GRXCR1: variants seen among roughly 807,000 people sequenced by gnomAD.
GRXCR1 encodes glutaredoxin and cysteine rich domain containing 1.
GRXCR1 carries 27 observed loss-of-function variants against 27.3 expected under a neutral mutation model. The ratio of observed to expected loss-of-function variants is 0.99; its 90% CI spans 0.73 to 1.37. GRXCR1 has a LOEUF of 1.37. Among genes scored for constraint, GRXCR1 ranks in the 40% most tolerant of loss-of-function variants. GRXCR1 has a pLI of 0.00. For synonymous variants in GRXCR1, 122 were observed against 131.1 expected (o/e 0.93, Z 0.47); for missense variants, 379 against 354.4 (o/e 1.07, Z -0.56).
intron 1 of GRXCR1, among the ~76,000 whole-genome samples, chr4:42,927,900 G>A (rs565155931): frequency 6.6e-6 from 1 of 152,068 alleles, no homozygotes; most frequent in South Asian, 2.1e-4. Context: ...CCCTGTAGGA[G>A]AGTGGGGATT....
chr4:42,972,420 T>G (rs1446186798), intron 2 of GRXCR1, among the ~76,000 whole-genome samples: 1 of 152,192 alleles, frequency 6.6e-6, no homozygotes, highest in African/African-American at 2.4e-5. Context: ...GAAGTGTTTG[T>G]TCTGGCCTTC....
intron 1 of GRXCR1, among the ~76,000 whole-genome samples, chr4:42,945,055 A>G (rs1402744228): frequency 1.3e-5 from 2 of 152,076 alleles, no homozygotes; most frequent in Non-Finnish European, 2.9e-5. Flanking sequence ...TCCTTTATGA[A>G]TGAGATTAGC....
At chr4:42,967,793 T>A (rs973453880) in intron 2 of GRXCR1, among the ~76,000 whole-genome samples, 3 of 152,012 alleles carry the variant, frequency 2.0e-5, no homozygotes, top group Admixed American at 6.6e-5. Flanking sequence ...AGCCTTTGGG[T>A]TTTGTTTCTT....
chr4:42,921,670 T>C (rs1181448002), intron 1 of GRXCR1, among the ~76,000 whole-genome samples: 2 of 152,164 alleles, frequency 1.3e-5, no homozygotes, highest in African/African-American at 4.8e-5. Flanking sequence ...GATTACCATA[T>C]TTAAATATGT....
intron 2 of GRXCR1, among the ~76,000 whole-genome samples, chr4:43,009,810 A>T (rs988790414): frequency 6.6e-6 from 1 of 152,030 alleles, no homozygotes; most frequent in Non-Finnish European, 1.5e-5. Flanking sequence ...TGAACATATG[A>T]CTTTTGCTGT....
intron 2 of GRXCR1, among the ~76,000 whole-genome samples, chr4:42,988,190 T>A (rs1358066277): frequency 6.6e-6 from 1 of 152,200 alleles, no homozygotes; most frequent in Non-Finnish European, 1.5e-5. Context: ...GAATCCTGGC[T>A]TCATTCTGTC....
In GRXCR1 at chr4:42,905,345, C is replaced by T. The variant is rs77844466; in HGVS notation, c.384+11695C>T. Among the ~76,000 whole-genome samples, 629 of 152,286 alleles carry T rather than the reference C, an allele frequency of 4.1e-3. 8 individuals carry two copies. In the East Asian group the frequency reaches 0.047, roughly 11 times the overall value. On this transcript the variant is annotated intron_variant, in intron 1 of 3. Coordinates refer to ENST00000399770, the MANE Select transcript of GRXCR1 (RefSeq NM_001080476.3). ...CTTGCTTGCGCCTTCTGGGTAGAGACAGAATCAATCTCTTCTTTAGTAATT... is the reference window on the plus strand; with the variant it reads ...CTTGCTTGCGCCTTCTGGGTAGAGATAGAATCAATCTCTTCTTTAGTAATT...
chr4:43,029,170 T>G (rs747996401), intron 3 of GRXCR1, among the ~76,000 whole-genome samples: 1 of 152,208 alleles, frequency 6.6e-6, no homozygotes, highest in Non-Finnish European at 1.5e-5. Flanking sequence ...CGATAAAAAT[T>G]CTCATAATTA....
chr4:42,990,249 T>C (rs905409540), intron 2 of GRXCR1, among the ~76,000 whole-genome samples: 5 of 128,206 alleles, frequency 3.9e-5, no homozygotes, highest in African/African-American at 1.2e-4. Context: ...TGGAGTGCAG[T>C]GTCGGGATCT....
chr4:42,920,944 C>T (rs1298759945), intron 1 of GRXCR1, among the ~76,000 whole-genome samples: 1 of 152,018 alleles, frequency 6.6e-6, no homozygotes, highest in African/African-American at 2.4e-5. Flanking sequence ...CAATAATTTT[C>T]TCTTTAATCT....
At chr4:43,011,144 A>G (rs1222458027) in intron 2 of GRXCR1, among the ~76,000 whole-genome samples, 3 of 152,174 alleles carry the variant, frequency 2.0e-5, no homozygotes, top group East Asian at 3.9e-4. Context: ...AAAACACATA[A>G]TAAATAGACT....
intron 1 of GRXCR1, among the ~76,000 whole-genome samples, chr4:42,925,951 A>C (rs1463274407): frequency 6.6e-6 from 1 of 152,060 alleles, no homozygotes; most frequent in South Asian, 2.1e-4. Context: ...ACTCTGGGTC[A>C]TTAATGACTT....
intron 2 of GRXCR1, among the ~76,000 whole-genome samples, chr4:42,998,635 G>A (rs1373796077): frequency 6.6e-6 from 1 of 152,160 alleles, no homozygotes; most frequent in African/African-American, 2.4e-5. Flanking sequence ...CATTTGGGCC[G>A]ACATGCTTGA....
In GRXCR1 at chr4:42,893,076, C is replaced by T. The variant is rs186523040; in HGVS notation, c.-191C>T. ...TTAGTTTAAAGGTAACCATAGCACA[C>T]ACACACACATTTATTATTAATAGCA... On this transcript the variant is annotated 5_prime_UTR_variant, in exon 1 of 4. Transcript: ENST00000399770. Among the ~76,000 whole-genome samples, 599 of 152,228 alleles carry T rather than the reference C, an allele frequency of 3.9e-3. 1 individual carries two copies. Among genetic ancestry groups the T allele is most frequent in the African/African-American group, 0.014 (574 of 41,546 alleles).
chr4:43,026,966 G>A lies in GRXCR1; in HGVS notation c.694-3395G>A, dbSNP rs559419851. 7.4e-4 allele frequency among the ~76,000 whole-genome samples: 113 copies of A among 152,286 alleles called. No homozygotes were observed. The South Asian group carries it at 0.014, about 19-fold the overall frequency. On this transcript the variant is annotated intron_variant, in intron 3 of 3. Coordinates refer to ENST00000399770, the MANE Select transcript of GRXCR1 (RefSeq NM_001080476.3). ...AGACAACAGAAATAGCACATGAATTGAAACACATTTACTCTCCCTTTCTTA... is the reference window on the plus strand; with the variant it reads ...AGACAACAGAAATAGCACATGAATTAAAACACATTTACTCTCCCTTTCTTA...
At chr4:43,013,485 G>C (rs1175199520) in intron 2 of GRXCR1, among the ~76,000 whole-genome samples, 1 of 152,068 alleles carries the variant, frequency 6.6e-6, no homozygotes, top group Admixed American at 6.5e-5. Context: ...CTATTAGAGT[G>C]GGGAGGGATG....
At chr4:42,999,428 A>G (rs955577179) in intron 2 of GRXCR1, among the ~76,000 whole-genome samples, 47 of 152,220 alleles carry the variant, frequency 3.1e-4, no homozygotes, top group African/African-American at 9.6e-4. Context: ...TTCACCACAC[A>G]GCCTTAGTTG....
intron 2 of GRXCR1, among the ~76,000 whole-genome samples, chr4:42,977,816 A>T (rs866341730): frequency 1.6e-4 from 25 of 152,046 alleles, no homozygotes; most frequent in African/African-American, 4.6e-4. Flanking sequence ...TCAATGTAAC[A>T]CCAGTTGTCT....
chr4:42,940,252 G>A (rs937875904), intron 1 of GRXCR1, among the ~76,000 whole-genome samples: 1 of 152,018 alleles, frequency 6.6e-6, no homozygotes, highest in African/African-American at 2.4e-5. Flanking sequence ...GCCTCCAGCA[G>A]CTTATCAAAA....
Sources: gnomAD v4.1 joint callset for allele counts (sites outside exome capture counted in the v4.1 genomes callset) on GRCh38, gnomAD v4.1.1 for gene constraint, MANE v1.5 for transcripts, NCBI Gene and HGNC (gene_info 2026-07-23, HGNC 2026-07-21) for gene names.